Variants in CAMK2D observed in about 807,000 individuals in gnomAD.
CAMK2D encodes the protein calcium/calmodulin-dependent protein kinase type II subunit delta.
A neutral mutation model predicts 84.0 loss-of-function variants in CAMK2D; 37 were observed. The observed-to-expected ratio is 0.44, with a 90% CI of 0.34 to 0.58. The LOEUF (loss-of-function observed/expected upper bound fraction) is 0.58, where lower values mean the gene tolerates loss of function less well. Ranked by LOEUF, CAMK2D falls within the 20% of genes least tolerant of loss-of-function variation. The probability of loss-of-function intolerance (pLI) is 0.02; values close to 1 mark genes in which losing one functional copy is unlikely to be tolerated. For synonymous variants in CAMK2D, 202 were observed against 212.5 expected (o/e 0.95, Z 0.43); for missense variants, 448 against 652.5 (o/e 0.69, Z 3.41).
At chr4:113,474,633 GTTTA>G (rs368904254) in intron 16 of CAMK2D, among the ~76,000 whole-genome samples, 13 of 149,882 alleles carry the variant, frequency 8.7e-5, no homozygotes, top group East Asian at 7.9e-4. Context: ...CAGGTCAAGA[GTTTA>G]TTTATTTATT....
intron 2 of CAMK2D, among the ~76,000 whole-genome samples, chr4:113,734,958 C>T (rs1479805240): frequency 6.7e-6 from 1 of 149,080 alleles, no homozygotes; most frequent in Admixed American, 6.6e-5. Flanking sequence ...TACTATCTTA[C>T]ATGGCAAACT....
At chr4:113,489,103 A>G (rs1193021271) in intron 16 of CAMK2D, among the ~76,000 whole-genome samples, 1 of 152,186 alleles carries the variant, frequency 6.6e-6, no homozygotes, top group Non-Finnish European at 1.5e-5. Context: ...TACAACACTT[A>G]AAAAATCAGC....
intron 8 of CAMK2D, among the ~76,000 whole-genome samples, chr4:113,520,867 A>C (rs1458519503): frequency 6.6e-6 from 1 of 151,966 alleles, no homozygotes; most frequent in African/African-American, 2.4e-5. Flanking sequence ...GTCTCTTCCA[A>C]AAATAGAAAA....
At chr4:113,504,503 A>T (rs2098100461) in intron 14 of CAMK2D, among the ~76,000 whole-genome samples, 2 of 152,256 alleles carry the variant, frequency 1.3e-5, no homozygotes, top group African/African-American at 2.4e-5. Context: ...GTTGTGTTTT[A>T]ATAAGAGGGA....
In CAMK2D at chr4:113,457,399, G is replaced by A. The variant is rs776889531; in HGVS notation, c.1471C>T (p.Arg491Cys). ...MQSEETRVWH[R>C]RDGKWQNVHF... ...ACATTCTGCCACTTTCCATCCCGGC[G>A]GTGCCACACACGAGTCTCTTCTGAC... Residue 491 changes from arginine to cysteine, a missense_variant, in exon 19 of 21, where the codon CGC becomes TGC. Physicochemically the swap from Arg to Cys is radical, Grantham distance 180. This residue lies in a region of CAMK2D where 219 missense variants were observed against 272.1 expected (regional missense o/e 0.80). Coordinates refer to ENST00000511664, the MANE Select transcript of CAMK2D (RefSeq NM_001321571.2). 16 of 1,613,752 alleles carry A rather than the reference G, an allele frequency of 9.9e-6. No individual in the cohort carries two copies. The highest frequency in any genetic ancestry group is 1.3e-5 in the Non-Finnish European group (15 of 1,179,756).
At chr4:113,612,205 G>A (rs151184072) in intron 3 of CAMK2D, among the ~76,000 whole-genome samples, 22 of 152,274 alleles carry the variant, frequency 1.4e-4, no homozygotes, top group Admixed American at 3.9e-4. Flanking sequence ...ATTATTCTCA[G>A]AGTTGATGGT....
intron 6 of CAMK2D, among the ~76,000 whole-genome samples, chr4:113,540,065 C>T (rs535797450): frequency 2.0e-5 from 3 of 152,158 alleles, no homozygotes; most frequent in African/African-American, 7.2e-5. Context: ...TTTGAATAAT[C>T]CTCCTATCAT....
intron 5 of CAMK2D, among the ~76,000 whole-genome samples, chr4:113,551,490 TG>T (rs763916946): frequency 3.3e-5 from 5 of 152,238 alleles, no homozygotes; most frequent in Non-Finnish European, 4.4e-5. Context: ...TTCTGTTTTC[TG>T]ATTAGATATT....
intron 8 of CAMK2D, among the ~76,000 whole-genome samples, chr4:113,527,102 A>C (rs572971937): frequency 6.6e-6 from 1 of 152,150 alleles, no homozygotes; most frequent in South Asian, 2.1e-4. Flanking sequence ...GGCAAACTTC[A>C]TTGTTGTCTT....
At chr4:113,669,787 TAAG>T (rs556463297) in intron 2 of CAMK2D, among the ~76,000 whole-genome samples, 64 of 152,006 alleles carry the variant, frequency 4.2e-4, no homozygotes, top group Non-Finnish European at 8.2e-4. Context: ...CCAGGAAGCA[TAAG>T]AAGAGGAGAG....
intron 16 of CAMK2D, among the ~76,000 whole-genome samples, chr4:113,472,072 TTGTC>T (rs2097552813): frequency 6.6e-6 from 1 of 152,288 alleles, no homozygotes; most frequent in East Asian, 1.9e-4. Context: ...AAGTGTCACT[TTGTC>T]TGTATTGCTC....
At chr4:113,513,701 C>T in intron 11 of CAMK2D, 129 bp downstream of exon 11, 5 of 611,594 alleles carry the variant, frequency 8.2e-6, no homozygotes, top group Non-Finnish European at 1.5e-5. Flanking sequence ...CCAAGAGCCC[C>T]AAAAAGAATA....
intron 4 of CAMK2D, among the ~76,000 whole-genome samples, chr4:113,579,806 C>G (rs2098799863): frequency 6.6e-6 from 1 of 152,186 alleles, no homozygotes; most frequent in African/African-American, 2.4e-5. Context: ...AAGAGCCTGA[C>G]ATTTTAAAAC....
chr4:113,680,199 G>A (rs2099338159), intron 2 of CAMK2D, among the ~76,000 whole-genome samples: 1 of 152,090 alleles, frequency 6.6e-6, no homozygotes, highest in Non-Finnish European at 1.5e-5. Context: ...ATGGCTTATA[G>A]GGCGTAAGAT....
intron 3 of CAMK2D, among the ~76,000 whole-genome samples, chr4:113,660,219 A>G (rs990568662): frequency 6.6e-6 from 1 of 152,234 alleles, no homozygotes; most frequent in African/African-American, 2.4e-5. Context: ...CAAACCTATT[A>G]TCACAGAATC....
intron 1 of CAMK2D, among the ~76,000 whole-genome samples, chr4:113,760,747 T>G (rs1290945643): frequency 6.6e-6 from 1 of 152,092 alleles, no homozygotes; most frequent in East Asian, 1.9e-4. Context: ...AGTCTCTCAG[T>G]GCAGGAGGGT....
At chr4:113,664,229 G>A (rs1430959936) in intron 2 of CAMK2D, among the ~76,000 whole-genome samples, 2 of 152,154 alleles carry the variant, frequency 1.3e-5, no homozygotes, top group Non-Finnish European at 2.9e-5. Flanking sequence ...CTTTGTTGTG[G>A]TAGCCCTATC....
chr4:113,569,431 C>G (rs1012689547), intron 4 of CAMK2D, among the ~76,000 whole-genome samples: 1 of 152,106 alleles, frequency 6.6e-6, no homozygotes, highest in African/African-American at 2.4e-5. Context: ...AAGGGTCCAA[C>G]TTTTAAATTT....
At chr4:113,700,524 A>G (rs1019963866) in intron 2 of CAMK2D, among the ~76,000 whole-genome samples, 4 of 152,158 alleles carry the variant, frequency 2.6e-5, no homozygotes, top group Non-Finnish European at 5.9e-5. Context: ...AAATAGCACT[A>G]TCAAATAACC....
Sources: gnomAD v4.1 joint callset for allele counts (sites outside exome capture counted in the v4.1 genomes callset) on GRCh38, gnomAD v4.1.1 for gene constraint, gnomAD v4.1.1 regional missense constraint, MANE v1.5 for transcripts, NCBI Gene and HGNC (gene_info 2026-07-23, HGNC 2026-07-21) for gene names.